Variants in VTI1A observed in about 807,000 individuals in gnomAD.
The protein encoded by VTI1A is vesicle transport through interaction with t-SNAREs 1A, also known as vesicle transport through interaction with t-SNAREs homolog 1A.
In VTI1A, 22 loss-of-function variants were observed where a neutral mutation model predicts 34.9. That is an observed-to-expected ratio of 0.63 (90% CI 0.45 to 0.90). VTI1A has a LOEUF of 0.90. Among genes scored for constraint, VTI1A ranks in the 40% least tolerant of loss-of-function variants. The pLI, the probability that VTI1A is intolerant of heterozygous loss-of-function variation, is 0.00. For missense variants in VTI1A, 268 were observed against 275.6 expected, an observed-to-expected ratio of 0.97 and a Z score of 0.20; for synonymous variants, 87 against 97.3, an observed-to-expected ratio of 0.89 and a Z score of 0.62.
rs1851799948 is a variant in VTI1A, at chr10:112,563,462, CT to C, written c.427+25134del. Reference sequence around the variant, plus strand: ...TTAAGTAGCCTTTCAGTGCTGTAACCTTATCGCATACTTGGCAATAGACCAA... The same window carrying C: ...TTAAGTAGCCTTTCAGTGCTGTAACCTATCGCATACTTGGCAATAGACCAA... On this transcript the variant is annotated intron_variant, in intron 5 of 7. Coordinates refer to ENST00000393077, the MANE Select transcript of VTI1A (RefSeq NM_145206.4). Among the ~76,000 whole-genome samples the C allele has an allele frequency of 7.2e-5, 11 of 152,222 alleles. 1 individual carries two copies. The South Asian group carries it at 2.3e-3, about 32-fold the overall frequency.
At chr10:112,784,999 C>A (rs1852242861) in intron 7 of VTI1A, among the ~76,000 whole-genome samples, 1 of 152,196 alleles carries the variant, frequency 6.6e-6, no homozygotes, top group Non-Finnish European at 1.5e-5. Context: ...CACATCATGG[C>A]AAAACTCAAG....
intron 5 of VTI1A, among the ~76,000 whole-genome samples, chr10:112,661,105 C>G (rs1431030289): frequency 6.6e-6 from 1 of 152,172 alleles, no homozygotes; most frequent in Non-Finnish European, 1.5e-5. Context: ...CTCAGCCTCC[C>G]AAGTAGCTGG....
Position 112,781,748 on chromosome 10 carries a change from G to A in VTI1A, c.561-33542G>A, listed in dbSNP as rs370227481. 3.3e-5 allele frequency among the ~76,000 whole-genome samples: 5 copies of A among 152,126 alleles called. No homozygotes were observed. In the East Asian group the frequency reaches 5.8e-4, roughly 18 times the overall value. On this transcript the variant is annotated intron_variant, in intron 7 of 7. Transcript: ENST00000393077. ...TGCACACTCATAGTCCCAGCTACTC[G>A]GGAGGCTGAGGCAGGAGAATCGCTT...
chr10:112,841,001 G>T, the VTI1A span, among the ~76,000 whole-genome samples: 1 of 152,164 alleles, frequency 6.6e-6, no homozygotes, highest in East Asian at 1.9e-4. Flanking sequence ...GAAACTAGCA[G>T]CCAGAAGTGG....
At chr10:112,650,228 CTTT>C (rs894659139) in intron 5 of VTI1A, among the ~76,000 whole-genome samples, 1 of 151,700 alleles carries the variant, frequency 6.6e-6, no homozygotes, top group African/African-American at 2.4e-5. Context: ...ATTTTTTTTC[CTTT>C]TGTTCTTTTT....
chr10:112,804,587 C>T (rs996233841), intron 7 of VTI1A, among the ~76,000 whole-genome samples: 9 of 152,290 alleles, frequency 5.9e-5, no homozygotes, highest in Middle Eastern at 3.4e-3. Flanking sequence ...CTCTAGGTCA[C>T]ACCAGGTAAA....
At chr10:112,450,724 A>C (rs1436803047) in intron 1 of VTI1A, 1 of 152,246 alleles carries the variant, frequency 6.6e-6, no homozygotes, top group East Asian at 1.9e-4. Flanking sequence ...TTTTGCTCTT[A>C]AAGTGTTTGA....
At chr10:112,642,892 T>TC (rs1846626663) in intron 5 of VTI1A, among the ~76,000 whole-genome samples, 1 of 152,094 alleles carries the variant, frequency 6.6e-6, no homozygotes, top group Admixed American at 6.6e-5. Context: ...ATGAAAAACT[T>TC]TTGGACATTG....
At chr10:112,586,626 CT>C (rs1368759073) in intron 5 of VTI1A, among the ~76,000 whole-genome samples, 2 of 152,148 alleles carry the variant, frequency 1.3e-5, no homozygotes, top group African/African-American at 4.8e-5. Flanking sequence ...TTTGTCCTCT[CT>C]TCATCCTTTC....
chr10:112,851,711 G>T, the VTI1A span, among the ~76,000 whole-genome samples: 1 of 152,154 alleles, frequency 6.6e-6, no homozygotes, highest in African/African-American at 2.4e-5. Flanking sequence ...AGCCATACAG[G>T]GGCTTCTGAA....
In VTI1A at chr10:112,818,288, A is replaced by AG. The variant is rs1462312888; in HGVS notation, c.*2910dup. On this transcript the variant is annotated 3_prime_UTR_variant, in exon 8 of 8. Transcript: ENST00000393077. The stretch of plus-strand genomic sequence containing the variant: ...GTTATCATTAAGTAAAGAAATAAAG[A>AG]GGGGGAAAAAAGCCTGCCTGTTCCA... 3 of 232,932 alleles carry AG rather than the reference A, an allele frequency of 1.3e-5. No homozygotes were observed. Among genetic ancestry groups the AG allele is most frequent in the East Asian group, 1.2e-4 (2 of 16,512 alleles). 14.4% of individuals were successfully genotyped at this position (232,932 alleles called of 1,614,324 possible).
At chr10:112,728,188 C>T (rs1293544815) in intron 7 of VTI1A, among the ~76,000 whole-genome samples, 1 of 152,024 alleles carries the variant, frequency 6.6e-6, no homozygotes, top group Admixed American at 6.5e-5. Flanking sequence ...CTTTTCTTCC[C>T]CCCACCCCCC....
chr10:112,504,179 T>G (rs1849340351), intron 3 of VTI1A, among the ~76,000 whole-genome samples: 1 of 152,172 alleles, frequency 6.6e-6, no homozygotes, highest in South Asian at 2.1e-4. Context: ...TGAAAATGAT[T>G]ACAGTTATGA....
At chr10:112,782,027 TC>T (rs1487489383) in intron 7 of VTI1A, among the ~76,000 whole-genome samples, 1 of 152,164 alleles carries the variant, frequency 6.6e-6, no homozygotes, top group African/African-American at 2.4e-5. Flanking sequence ...CTGACACAAG[TC>T]CCCTCTTCTA....
chr10:112,473,237 T>A (rs1434974893), intron 3 of VTI1A, among the ~76,000 whole-genome samples: 1 of 151,666 alleles, frequency 6.6e-6, no homozygotes, highest in Non-Finnish European at 1.5e-5. Flanking sequence ...GCCTCCCGAG[T>A]AGCTAGGACT....
intron 5 of VTI1A, among the ~76,000 whole-genome samples, chr10:112,602,821 GA>G (rs1012313624): frequency 1.7e-4 from 26 of 152,274 alleles, no homozygotes; most frequent in African/African-American, 5.8e-4. Context: ...TTATTTGGGT[GA>G]TTTTTTTTAT....
At position 112,815,985 on chromosome 10, in the gene VTI1A, A is replaced by AT. The variant is rs1001939802; in HGVS notation, c.*612dup. On this transcript the variant is annotated 3_prime_UTR_variant, in exon 8 of 8. Transcript: ENST00000393077. ...ACTTTCCCTGTTTTTCTATTGCATA[A>AT]TTTTTTTTTTAACCCAAAGATATTT... 7.3e-4 allele frequency: 158 copies of AT among 217,620 alleles called. No individual in the cohort carries two copies. The highest frequency in any genetic ancestry group is 1.4e-3 in the Middle Eastern group (1 of 718). The allele number at this position is 217,620 out of a possible 1,614,324, so 13.5% of individuals were successfully genotyped here. A position where few individuals can be genotyped will look rare whatever the true frequency, so the allele number is the denominator to read the frequency against.
chr10:112,650,751 C>T (rs944176156), intron 5 of VTI1A, among the ~76,000 whole-genome samples: 2 of 152,170 alleles, frequency 1.3e-5, no homozygotes, highest in Admixed American at 6.5e-5. Context: ...CTGTCCTATA[C>T]GTAGTCCCTC....
intron 5 of VTI1A, among the ~76,000 whole-genome samples, chr10:112,559,308 A>G (rs1325398474): frequency 6.6e-6 from 1 of 152,228 alleles, no homozygotes; most frequent in Non-Finnish European, 1.5e-5. Context: ...GATTGGCAAC[A>G]TTGCTCCATT....
Sources: gnomAD v4.1 joint callset for allele counts (sites outside exome capture counted in the v4.1 genomes callset) on GRCh38, gnomAD v4.1.1 for gene constraint, MANE v1.5 for transcripts, NCBI Gene and HGNC (gene_info 2026-07-23, HGNC 2026-07-21) for gene names.